The following MORC1 variants were observed in gnomAD, a reference collection of about 807,000 sequenced individuals.
MORC1 encodes the protein MORC family CW-type zinc finger protein 1.
A neutral mutation model predicts 134.9 loss-of-function variants in MORC1; 59 were observed. That is an observed-to-expected ratio of 0.44 (90% CI 0.35 to 0.54). The LOEUF (loss-of-function observed/expected upper bound fraction) is 0.54. Ranked by LOEUF, MORC1 falls within the 20% of genes least tolerant of loss-of-function variation. The pLI is 0.00. For missense variants in MORC1, 947 were observed against 1,134.5 expected (o/e 0.83, Z 2.37); for synonymous variants, 395 against 391.7 (o/e 1.01, Z -0.10).
At chr3:109,011,320 G>A (rs564696521) in intron 17 of MORC1, among the ~76,000 whole-genome samples, 8 of 152,142 alleles carry the variant, frequency 5.3e-5, no homozygotes, top group African/African-American at 1.7e-4. Flanking sequence ...TCAACATAGC[G>A]TAATCATTTT....
At chr3:108,967,859 G>A (rs899344655) in intron 26 of MORC1, among the ~76,000 whole-genome samples, 3 of 151,796 alleles carry the variant, frequency 2.0e-5, no homozygotes, top group Non-Finnish European at 2.9e-5. Context: ...GAGGGGGTGG[G>A]CAAAAAAAAG....
intron 26 of MORC1, among the ~76,000 whole-genome samples, chr3:108,964,140 G>A (rs769842158): frequency 1.4e-4 from 21 of 152,116 alleles, no homozygotes; most frequent in Non-Finnish European, 2.8e-4. Flanking sequence ...GTTCCTTATC[G>A]TGATACAAAA....
Position 109,027,671 on chromosome 3 carries a change from C to G in MORC1, c.1704+80G>C, listed in dbSNP as rs1949113743. 2.1e-5 allele frequency: 33 copies of G among 1,547,596 alleles called. No individual in the cohort carries two copies. The South Asian group carries it at 3.8e-4, about 18-fold the overall frequency. ...GATTATACACATTTTATTGTGTAAACCACTTTAGTCAATTTGCACATATGA... is the reference window on the plus strand; with the variant it reads ...GATTATACACATTTTATTGTGTAAAGCACTTTAGTCAATTTGCACATATGA... On this transcript the variant is annotated intron_variant, in intron 17 of 27. Transcript: ENST00000232603.
At chr3:109,068,808 T>G (rs902528152) in intron 9 of MORC1, among the ~76,000 whole-genome samples, 1 of 152,160 alleles carries the variant, frequency 6.6e-6, no homozygotes, top group African/African-American at 2.4e-5. Context: ...TCTGATGGCA[T>G]GCATGGTTGG....
chr3:109,004,773 T>C (rs1435346645), intron 20 of MORC1, 44 bp downstream of exon 20: 2 of 1,544,694 alleles, frequency 1.3e-6, no homozygotes, highest in Non-Finnish European at 8.9e-7. Flanking sequence ...TTATCCTATA[T>C]GAATATTTCT....
At chr3:108,959,147 C>A in intron 27 of MORC1, 27 bp from the exon 28 acceptor site, 1 of 1,560,006 alleles carries the variant, frequency 6.4e-7, no homozygotes, top group Admixed American at 2.0e-5. Context: ...ACAGTCACAC[C>A]AGGGAAAGAA....
At chr3:109,003,096 C>A (rs1357039788) in intron 20 of MORC1, among the ~76,000 whole-genome samples, 7 of 152,022 alleles carry the variant, frequency 4.6e-5, no homozygotes, top group African/African-American at 1.7e-4. Flanking sequence ...AGTCATGCTA[C>A]TGTGTCATAA....
chr3:109,101,553 G>C (rs2107780855), intron 4 of MORC1: 1 of 152,298 alleles, frequency 6.6e-6, no homozygotes, highest in East Asian at 1.9e-4. Flanking sequence ...GTGGCACATG[G>C]TATGAGGTGT....
intron 14 of MORC1, among the ~76,000 whole-genome samples, chr3:109,040,983 C>CTGAAATTTAA: frequency 6.6e-6 from 1 of 151,278 alleles, no homozygotes; most frequent in Non-Finnish European, 1.5e-5. Flanking sequence ...ATTTAAAAAT[C>CTGAAATTTAA]ACTAGAGGGA....
intron 19 of MORC1, 28 bp downstream of exon 19, chr3:109,005,041 GT>G: frequency 4.4e-6 from 7 of 1,592,666 alleles, no homozygotes; most frequent in Non-Finnish European, 6.0e-6. Context: ...TGAGTGAATT[GT>G]TTTGTGAATA....
rs79730524 is a variant in MORC1, at chr3:109,077,066, C to T, written c.690-7309G>A. Among the ~76,000 whole-genome samples the T allele has an allele frequency of 6.5e-3, 980 of 151,558 alleles. 6 individuals are homozygous for T. The highest frequency in any genetic ancestry group is 0.021 in the African/African-American group (878 of 41,320). The stretch of plus-strand genomic sequence containing the variant: ...AATAATTTGGTAATCACATTTCTAT[C>T]AGACTTCTGATCAACAACATGTATT... On this transcript the variant is annotated intron_variant, in intron 8 of 27. Transcript: ENST00000232603.
intron 13 of MORC1, among the ~76,000 whole-genome samples, chr3:109,056,462 C>T (rs2107672800): frequency 6.6e-6 from 1 of 152,276 alleles, no homozygotes; most frequent in East Asian, 1.9e-4. Context: ...CTCCTGACCT[C>T]GTGATCCGCC....
intron 22 of MORC1, among the ~76,000 whole-genome samples, chr3:108,985,369 G>A (rs940049071): frequency 6.6e-6 from 1 of 152,206 alleles, no homozygotes; most frequent in Non-Finnish European, 1.5e-5. Context: ...CTTGGGGACA[G>A]TATAAGCAAT....
intron 20 of MORC1, among the ~76,000 whole-genome samples, chr3:109,003,771 T>C (rs934805349): frequency 2.0e-5 from 3 of 152,154 alleles, no homozygotes; most frequent in Non-Finnish European, 4.4e-5. Flanking sequence ...TTGGCTCATA[T>C]AGTCTCAAGA....
intron 21 of MORC1, among the ~76,000 whole-genome samples, chr3:108,997,306 G>A (rs1355154102): frequency 1.3e-5 from 2 of 152,166 alleles, no homozygotes; most frequent in African/African-American, 4.8e-5. Context: ...GCCAAGGTGG[G>A]TGGATCACTT....
intron 5 of MORC1, 34 bp from the exon 6 acceptor site, chr3:109,099,500 C>T (rs771338911): frequency 6.7e-7 from 1 of 1,492,206 alleles, no homozygotes; most frequent in East Asian, 2.3e-5. Flanking sequence ...ATGTTTTACA[C>T]CTCAAATACT....
chr3:109,073,979 C>T (rs1380551278), intron 8 of MORC1, among the ~76,000 whole-genome samples: 1 of 152,124 alleles, frequency 6.6e-6, no homozygotes, highest in Non-Finnish European at 1.5e-5. Context: ...CACAGTATGG[C>T]AAGCAGCACA....
intron 8 of MORC1, among the ~76,000 whole-genome samples, chr3:109,082,147 T>C (rs577108671): frequency 6.6e-6 from 1 of 151,986 alleles, no homozygotes; most frequent in South Asian, 2.1e-4. Flanking sequence ...ACTTTCCCTA[T>C]TTAGGACAGG....
At position 109,103,877 on chromosome 3, in the gene MORC1, G is replaced by A; in HGVS notation, c.195C>T (p.Phe65=). 6.2e-7 allele frequency: 1 copy of A among 1,613,950 alleles called. No homozygotes were observed. Among genetic ancestry groups the A allele is most frequent in the Non-Finnish European group, 8.5e-7 (1 of 1,179,894 alleles). ...GGCTCATGCCACATCCATCATCCAG[G>A]AAACACAACATGAATCCCCCCTGCA... ...EKLQGGFMLC[F]LDDGCGMSPE... is the part of the protein sequence containing the mutation. The change falls in exon 4 of 28, where the codon TTC becomes TTT. Residue 65 remains phenylalanine (F), a synonymous_variant. Transcript: ENST00000232603.
Sources: gnomAD v4.1 joint callset for allele counts (sites outside exome capture counted in the v4.1 genomes callset) on GRCh38, gnomAD v4.1.1 for gene constraint, MANE v1.5 for transcripts, NCBI Gene and HGNC (gene_info 2026-07-23, HGNC 2026-07-21) for gene names.